CNTN1: variants seen among roughly 807,000 people sequenced by gnomAD.
The protein encoded by CNTN1 is contactin-1.
Under a neutral mutation model 126.4 loss-of-function variants are expected in CNTN1, and 38 were observed. The observed-to-expected ratio is 0.30, with a 90% CI of 0.23 to 0.39. CNTN1 has a LOEUF of 0.39. Among genes scored for constraint, CNTN1 ranks in the 10% least tolerant of loss-of-function variants. The pLI is 1.00. For missense variants in CNTN1, 1,009 were observed against 1,248.4 expected (o/e 0.81, Z 2.89); for synonymous variants, 413 against 422.6 (o/e 0.98, Z 0.28).
At chr12:40,945,673 GA>G (rs542332318) in intron 14 of CNTN1, among the ~76,000 whole-genome samples, 6 of 143,500 alleles carry the variant, frequency 4.2e-5, no homozygotes, top group South Asian at 2.2e-4. Context: ...AAAGAAAATG[GA>G]AAAAAAAAGG....
intron 17 of CNTN1, among the ~76,000 whole-genome samples, chr12:41,012,673 A>G (rs1948689920): frequency 6.6e-6 from 1 of 152,216 alleles, no homozygotes; most frequent in South Asian, 2.1e-4. Flanking sequence ...TGTTCTCCCC[A>G]GTAAGCCTGT....
intron 1 of CNTN1, among the ~76,000 whole-genome samples, chr12:40,848,010 G>A (rs901909870): frequency 6.6e-5 from 10 of 152,266 alleles, no homozygotes; most frequent in Admixed American, 6.5e-4. Context: ...GATCTGACAG[G>A]AGCTCAGGCA....
chr12:40,999,375 G>A (rs1303607411), intron 17 of CNTN1, among the ~76,000 whole-genome samples: 1 of 152,136 alleles, frequency 6.6e-6, no homozygotes, highest in Non-Finnish European at 1.5e-5. Flanking sequence ...TGTAAAGAAT[G>A]TCTAGTTTGT....
At chr12:40,975,532 A>G (rs1344342082) in intron 15 of CNTN1, among the ~76,000 whole-genome samples, 2 of 152,084 alleles carry the variant, frequency 1.3e-5, no homozygotes, top group Non-Finnish European at 2.9e-5. Context: ...ACTAACAAGG[A>G]CTTTGATAGA....
intron 20 of CNTN1, among the ~76,000 whole-genome samples, chr12:41,021,407 G>A (rs896355121): frequency 2.0e-5 from 3 of 151,674 alleles, no homozygotes; most frequent in Non-Finnish European, 4.4e-5. Flanking sequence ...CCTTGTCCAT[G>A]GAATATTAGC....
At chr12:41,005,006 T>C (rs1948455547) in intron 17 of CNTN1, 1 of 152,238 alleles carries the variant, frequency 6.6e-6, no homozygotes, top group South Asian at 2.1e-4. Flanking sequence ...GACTTGTTTA[T>C]GTGGTTGCTT....
intron 17 of CNTN1, among the ~76,000 whole-genome samples, chr12:41,001,555 T>C (rs1194660912): frequency 6.6e-6 from 1 of 152,218 alleles, no homozygotes; most frequent in Non-Finnish European, 1.5e-5. Flanking sequence ...GGTTGTCTGT[T>C]CACTCTGTTG....
At chr12:41,058,654 G>T (rs1049902053) in intron 23 of CNTN1, among the ~76,000 whole-genome samples, 4 of 151,984 alleles carry the variant, frequency 2.6e-5, no homozygotes, top group Non-Finnish European at 5.9e-5. Context: ...TTAACACCAT[G>T]AAACTATGAC....
At chr12:40,719,487 G>T (rs936933523) in intron 1 of CNTN1, among the ~76,000 whole-genome samples, 1 of 152,222 alleles carries the variant, frequency 6.6e-6, no homozygotes, top group African/African-American at 2.4e-5. Context: ...GCTTATAAAA[G>T]AGTTACTAAA....
intron 1 of CNTN1, among the ~76,000 whole-genome samples, chr12:40,708,612 G>A (rs1259209445): frequency 6.6e-6 from 1 of 152,148 alleles, no homozygotes; most frequent in African/African-American, 2.4e-5. Context: ...ATGCAATTCT[G>A]TTTTATAGCC....
chr12:41,062,608 G>T (rs935290152), intron 23 of CNTN1, among the ~76,000 whole-genome samples: 3 of 152,140 alleles, frequency 2.0e-5, no homozygotes, highest in Non-Finnish European at 4.4e-5. Context: ...CTTTGTTTCA[G>T]ACATTTCATA....
In CNTN1 at chr12:40,993,333, T is replaced by G. The variant is rs1162685554; in HGVS notation, c.2113+64T>G. 3.0e-6 allele frequency: 4 copies of G among 1,340,036 alleles called. No homozygotes were observed. In the African/African-American group the frequency reaches 5.8e-5, roughly 19 times the overall value. 83.0% of individuals were successfully genotyped at this position (1,340,036 alleles called of 1,614,324 possible). ...CTAAATACAGTGCCACTTTCATATA[T>G]GGTTGAATGTATTTGAAAATAATGC... On this transcript the variant is annotated intron_variant, in intron 17 of 23. Transcript: ENST00000551295.
At chr12:40,881,108 A>G (rs1943854592) in intron 1 of CNTN1, among the ~76,000 whole-genome samples, 1 of 151,986 alleles carries the variant, frequency 6.6e-6, no homozygotes, top group South Asian at 2.1e-4. Flanking sequence ...TCCCACATAC[A>G]TCCACATAGA....
intron 1 of CNTN1, among the ~76,000 whole-genome samples, chr12:40,703,170 G>A (rs1221989245): frequency 6.6e-6 from 1 of 151,904 alleles, no homozygotes; most frequent in Admixed American, 6.6e-5. Flanking sequence ...TTTCAAATAT[G>A]TTTGGATTTT....
chr12:40,845,035 T>A (rs1942448914), intron 1 of CNTN1, among the ~76,000 whole-genome samples: 1 of 152,204 alleles, frequency 6.6e-6, no homozygotes, highest in African/African-American at 2.4e-5. Flanking sequence ...AAGAGTAATG[T>A]TGAAAGAAAA....
chr12:40,849,833 C>G (rs1238264492), intron 1 of CNTN1, among the ~76,000 whole-genome samples: 2 of 151,776 alleles, frequency 1.3e-5, no homozygotes, highest in African/African-American at 4.8e-5. Context: ...TTTTTTAAAG[C>G]CTGTGAGACA....
chr12:40,782,911 A>G (rs1229559172), intron 1 of CNTN1, among the ~76,000 whole-genome samples: 1 of 151,982 alleles, frequency 6.6e-6, no homozygotes, highest in East Asian at 1.9e-4. Flanking sequence ...AAGGGTGTGC[A>G]TGCTGTTGCC....
chr12:40,843,021 A>T (rs1458011716), intron 1 of CNTN1, among the ~76,000 whole-genome samples: 1 of 152,194 alleles, frequency 6.6e-6, no homozygotes, highest in African/African-American at 2.4e-5. Context: ...GTCAAGGTGT[A>T]GCTGGACCTA....
chr12:40,964,619 A>G (rs1462940801), intron 15 of CNTN1, among the ~76,000 whole-genome samples: 1 of 151,780 alleles, frequency 6.6e-6, no homozygotes, highest in African/African-American at 2.4e-5. Flanking sequence ...GGAGAGAGAT[A>G]TTAGTTAGAG....
Sources: allele counts gnomAD v4.1 joint callset (sites outside exome capture counted in the v4.1 genomes callset), GRCh38; gene constraint gnomAD v4.1.1; transcripts MANE v1.5; gene names NCBI Gene and HGNC (gene_info 2026-07-23, HGNC 2026-07-21).